The following AHNAK2 variants were observed in gnomAD, a reference collection of about 807,000 sequenced individuals.
AHNAK2 encodes the protein protein AHNAK2.
AHNAK2 carries 18 observed loss-of-function variants against 30.7 expected under a neutral mutation model. The ratio of observed to expected loss-of-function variants is 0.59; its 90% CI spans 0.41 to 0.87. The LOEUF (loss-of-function observed/expected upper bound fraction) is 0.87, where lower values mean the gene tolerates loss of function less well. Ranked by LOEUF, AHNAK2 falls within the 40% of genes least tolerant of loss-of-function variation. The pLI, the probability that AHNAK2 is intolerant of heterozygous loss-of-function variation, is 0.00. For missense variants in AHNAK2, 8,604 were observed against 7,373.0 expected, an observed-to-expected ratio of 1.17 and a Z score of -6.11; for synonymous variants, 3,590 against 3,073.8, an observed-to-expected ratio of 1.17 and a Z score of -5.56.
chr14:104,955,794 A>G (rs1291626357), intron 4 of AHNAK2, among the ~76,000 whole-genome samples, 161 bp from the exon 5 acceptor site: 1 of 152,176 alleles, frequency 6.6e-6, no homozygotes, highest in Non-Finnish European at 1.5e-5. Context: ...GGGCTCAGGT[A>G]GCTGTCTCTG....
At position 104,969,261 on chromosome 14, in the gene AHNAK2, G is replaced by A. The variant is rs115532388; in HGVS notation, c.55+8922C>T. Among the ~76,000 whole-genome samples, 505 of 152,322 alleles carry A rather than the reference G, an allele frequency of 3.3e-3. 3 individuals carry two copies. Among genetic ancestry groups the A allele is most frequent in the African/African-American group, 0.011 (478 of 41,568 alleles). On this transcript the variant is annotated intron_variant, in intron 1 of 6. Coordinates refer to ENST00000333244, the MANE Select transcript of AHNAK2 (RefSeq NM_138420.4). Reference sequence around the variant, plus strand: ...ACTGCAGCCCAGCTGCACCCGTGAGGCTATTCACATCACCCTCTCCCGAAA... The same window carrying A: ...ACTGCAGCCCAGCTGCACCCGTGAGACTATTCACATCACCCTCTCCCGAAA...
chr14:104,944,453 G>T lies in AHNAK2; in HGVS notation c.10998C>A (p.Pro3666=). ...SMEASVDVSA[P]KVEADVSLPS... ...GGAGACTCACATCGGCTTCCACCTT[G>T]GGTGCAGACACATCCACCGAGGCCT... The change falls in exon 7 of 7, where the codon CCC becomes CCA. Residue 3666 remains proline, a synonymous_variant. Coordinates refer to ENST00000333244, the MANE Select transcript of AHNAK2 (RefSeq NM_138420.4). 1 of 1,612,308 alleles carries T rather than the reference G, an allele frequency of 6.2e-7. No individual in the cohort carries two copies. The highest frequency in any genetic ancestry group is 8.5e-7 in the Non-Finnish European group (1 of 1,179,268).
At chr14:104,955,167 G>C (rs372199340) in intron 5 of AHNAK2, 26 bp from the exon 6 acceptor site, 1 of 1,584,470 alleles carries the variant, frequency 6.3e-7, no homozygotes, top group African/African-American at 1.3e-5. Context: ...GCAGCCCCAG[G>C]GCCGGGTGTG....
At position 104,946,928 on chromosome 14, in the gene AHNAK2, C is replaced by G. The variant is rs747429860; in HGVS notation, c.8523G>C (p.Leu2841=). Residue 2841 remains leucine (L), a synonymous_variant, in exon 7 of 7, where the codon CTG becomes CTC. Coordinates refer to ENST00000333244, the MANE Select transcript of AHNAK2 (RefSeq NM_138420.4). Reference sequence around the variant, plus strand: ...GGAAGCTCCCGTCAGCTTCCACCTTCAGCTCAGACACATCCACCGAGGCCT... The same window carrying G: ...GGAAGCTCCCGTCAGCTTCCACCTTGAGCTCAGACACATCCACCGAGGCCT... The part of the protein sequence containing the change: ...SIEASVDVSE[L]KVEADGSFPS... The G allele has an allele frequency of 6.2e-7, 1 of 1,612,782 alleles. No homozygotes were observed. Among genetic ancestry groups the G allele is most frequent in the Non-Finnish European group, 8.5e-7 (1 of 1,179,728 alleles).
rs375764582 is a variant in AHNAK2, at chr14:104,940,257, C to G, written c.15194G>C (p.Ser5065Thr). The part of the protein sequence containing the change: ...GGSFQDTEKA[S>T]SDGGRGGLGA... The stretch of plus-strand genomic sequence containing the variant: ...AAGTCCTCCCCTACCACCGTCACTG[C>G]TGGCCTTTTCTGTGTCTTGAAAGCT... Residue 5065 changes from serine to threonine, a missense_variant, in exon 7 of 7, where the codon AGC becomes ACC. Ser to Thr is a moderately conservative substitution (Grantham distance 58, BLOSUM62 1). Transcript: ENST00000333244. This position sits in a 1 kb window ranked among gnomAD's most constrained non-coding sequence, Gnocchi z 4.4. 9 of 1,613,568 alleles carry G rather than the reference C, an allele frequency of 5.6e-6. No homozygotes were observed. The African/African-American group carries it at 8.0e-5, about 14-fold the overall frequency.
Position 104,978,279 on chromosome 14 carries a change from C to T in AHNAK2, c.-42G>A. 8.8e-7 allele frequency: 1 copy of T among 1,130,408 alleles called. No homozygotes were observed. Among genetic ancestry groups the T allele is most frequent in the Non-Finnish European group, 1.1e-6 (1 of 918,356 alleles). The allele number at this position is 1,130,408 out of a possible 1,614,324, so 70.0% of individuals were successfully genotyped here. A position where few individuals can be genotyped will look rare whatever the true frequency, so the allele number is the denominator to read the frequency against. ...TGCGGGCCTGGCGGCCCGTCGCGTCCAGTCGCTGGTCCCGGCTCCGGCGCA... is the reference window on the plus strand; with the variant it reads ...TGCGGGCCTGGCGGCCCGTCGCGTCTAGTCGCTGGTCCCGGCTCCGGCGCA... On this transcript the variant is annotated 5_prime_UTR_variant, in exon 1 of 7. Transcript: ENST00000333244.
In AHNAK2 at chr14:104,954,196, G is replaced by C; in HGVS notation, c.1255C>G (p.Leu419Val). 6.2e-7 allele frequency: 1 copy of C among 1,610,218 alleles called. No individual in the cohort carries two copies. The highest frequency in any genetic ancestry group is 8.5e-7 in the Non-Finnish European group (1 of 1,179,714). ...TGCCCCTCCAGGGTCTTTCCATGGA[G>C]CCTGGCTGCCCTGAGTCCCCCTTCC... ...PQEGGLRAAR[L>V]HGKTLEGQAQ... Residue 419 changes from leucine (L) to valine (V), a missense_variant, in exon 7 of 7, where the codon CTC (leucine) becomes GTC (valine). Leu to Val is a conservative substitution (Grantham distance 32). Transcript: ENST00000333244. This position sits in a 1 kb window ranked among gnomAD's most constrained non-coding sequence, Gnocchi z 4.3.
chr14:104,970,899 C>T (rs928961480), intron 1 of AHNAK2, among the ~76,000 whole-genome samples: 6 of 152,064 alleles, frequency 3.9e-5, no homozygotes, highest in South Asian at 2.1e-4. Context: ...CCTATGGGGG[C>T]CAGGACAGAG....
rs201010409 is a variant in AHNAK2 at position 104,948,015 on chromosome 14, T to C, written c.7436A>G (p.Lys2479Arg). ...CTTGGGAATTTTGAACCTGCTGTCT[T>C]TGGTAGTCACATCCTTGTCCGCCAC... Reference protein sequence around the residue: ...LSVADKDVTTKDSRFKIPKFK... With the variant: ...LSVADKDVTTRDSRFKIPKFK... The change falls in exon 7 of 7, where the codon AAA (lysine) becomes AGA (arginine). Residue 2479 changes from lysine to arginine, a missense_variant. Coordinates refer to ENST00000333244, the MANE Select transcript of AHNAK2 (RefSeq NM_138420.4). 4.2e-5 allele frequency: 67 copies of C among 1,611,948 alleles called. No homozygotes were observed. In the Middle Eastern group the frequency reaches 6.6e-4, roughly 16 times the overall value.
chr14:104,956,651 C>T lies in AHNAK2; in HGVS notation c.252G>A (p.Arg84=). The T allele has an allele frequency of 6.2e-7, 1 of 1,613,910 alleles. No homozygotes were observed. Reference sequence around the variant, plus strand: ...CTGAATCTCGCTTCCACCAGGATCTCCGTCTCCCAGCAGAACCTTGCCTGC... The same window carrying T: ...CTGAATCTCGCTTCCACCAGGATCTTCGTCTCCCAGCAGAACCTTGCCTGC... ...APGRQGSAGR[R]RSWWKRDSGD... Residue 84 remains arginine, a synonymous_variant, in exon 4 of 7, where the codon CGG becomes CGA. Transcript: ENST00000333244.
chr14:104,953,193 C>G lies in AHNAK2; in HGVS notation c.2258G>C (p.Ser753Thr), dbSNP rs1595420978. Residue 753 changes from serine (S) to threonine (T), a missense_variant, in exon 7 of 7, where the codon AGC (serine) becomes ACC (threonine). Transcript: ENST00000333244. Reference sequence around the variant, plus strand: ...CACCTTGGGCAGGTGCCCTTTGAGGCTGGCTCCCTCGGGCAGGGGGCCCTC... The same window carrying G: ...CACCTTGGGCAGGTGCCCTTTGAGGGTGGCTCCCTCGGGCAGGGGGCCCTC... ...LPEGPLPEGA[S>T]LKGHLPKVQR... The G allele has an allele frequency of 1.2e-6, 2 of 1,613,156 alleles. No individual in the cohort carries two copies. Among genetic ancestry groups the G allele is most frequent in the East Asian group, 4.5e-5 (2 of 44,808 alleles).
In AHNAK2 at chr14:104,945,646, C is replaced by T. The variant is rs1456289842; in HGVS notation, c.9805G>A (p.Val3269Met). ...TCCACCTCCATGCTGGGCTGAGACA[C>T]CTCCACGTCGGGGGCCGTCACATCC... ...KMDVTAPDVE[V>M]SQPSMEVDVE... Residue 3269 changes from valine (V) to methionine (M), a missense_variant, in exon 7 of 7, where the codon GTG (valine) becomes ATG (methionine). Transcript: ENST00000333244. The T allele has an allele frequency of 5.7e-6, 9 of 1,577,338 alleles. No individual in the cohort carries two copies. Among genetic ancestry groups the T allele is most frequent in the Admixed American group, 1.7e-5 (1 of 58,310 alleles).
At position 104,966,235 on chromosome 14, in the gene AHNAK2, T is replaced by C. The variant is rs934949724; in HGVS notation, c.56-8563A>G. 1.3e-5 allele frequency among the ~76,000 whole-genome samples: 2 copies of C among 151,942 alleles called. No homozygotes were observed. The highest frequency in any genetic ancestry group is 1.5e-5 in the Non-Finnish European group (1 of 67,954). Reference sequence around the variant, plus strand: ...CCCACGTCATCCCGGCCCCGCCACCTTCCTACTGCTCCGGGGGCCAGGCCC... The same window carrying C: ...CCCACGTCATCCCGGCCCCGCCACCCTCCTACTGCTCCGGGGGCCAGGCCC... On this transcript the variant is annotated intron_variant, in intron 1 of 6. Transcript: ENST00000333244. The surrounding 1 kb of genome is among the most constrained non-coding windows in gnomAD (Gnocchi z 4.3).
At chr14:104,963,166 A>G (rs1899198168) in intron 1 of AHNAK2, among the ~76,000 whole-genome samples, 1 of 152,260 alleles carries the variant, frequency 6.6e-6, no homozygotes, top group East Asian at 1.9e-4. Flanking sequence ...AGATTTGAAC[A>G]GACATTTCAC....
chr14:104,952,243 G>T lies in AHNAK2; in HGVS notation c.3208C>A (p.His1070Asn). 6.2e-7 allele frequency: 1 copy of T among 1,612,578 alleles called. No homozygotes were observed. The change falls in exon 7 of 7, where the codon CAC (histidine) becomes AAC (asparagine). Residue 1070 changes from histidine to asparagine, a missense_variant. By Grantham distance (68) the His-to-Asn change is moderately conservative (BLOSUM62 1). Transcript: ENST00000333244. ...DQVDVKLPEG[H>N]LPEGAGLKGH... Reference sequence around the variant, plus strand: ...TTAAGGCCAGCTCCCTCGGGCAGGTGGCCCTCCGGGAGCTTCACATCCACC... The same window carrying T: ...TTAAGGCCAGCTCCCTCGGGCAGGTTGCCCTCCGGGAGCTTCACATCCACC...
chr14:104,957,478 G>A lies in AHNAK2; in HGVS notation c.145C>T (p.Arg49Ter), dbSNP rs747036900. ...VTEGPADEGIRPRPQGSSPVY... is the reference protein window; with the variant it reads ...VTEGPADEGI ...GGTGAAGACCCCTGCGGCCGTGGTC[G>A]AATGCCCTCATCCGCAGGCCCTTCA... The change falls in exon 3 of 7, where the codon CGA becomes TGA. Residue 49 changes from arginine to a stop codon, truncating the protein, a stop_gained. Transcript: ENST00000333244. LOFTEE classifies it high-confidence loss of function. The A allele has an allele frequency of 2.7e-5, 43 of 1,601,356 alleles. No homozygotes were observed. The highest frequency in any genetic ancestry group is 3.3e-5 in the Non-Finnish European group (39 of 1,172,162).
chr14:104,945,366 G>A lies in AHNAK2; in HGVS notation c.10085C>T (p.Ser3362Phe), dbSNP rs780026182. The change falls in exon 7 of 7, where the codon TCT (serine) becomes TTT (phenylalanine). Residue 3362 changes from serine to phenylalanine, a missense_variant. By Grantham distance (155) the Ser-to-Phe change is radical (BLOSUM62 -2). Coordinates refer to ENST00000333244, the MANE Select transcript of AHNAK2 (RefSeq NM_138420.4). ...KTTDLSIQLPSVDLEVQAGQV... is the reference protein window; with the variant it reads ...KTTDLSIQLPFVDLEVQAGQV... ...GCCAGCCTGGACCTCCAGGTCCACA[G>A]AAGGGAGCTGAATGCTGAGGTCAGT... 142 of 1,612,780 alleles carry A rather than the reference G, an allele frequency of 8.8e-5. 3 individuals are homozygous for A. The South Asian group carries it at 1.5e-3, about 18-fold the overall frequency.
Position 104,939,799 on chromosome 14 carries a change from T to A in AHNAK2, c.15652A>T (p.Thr5218Ser), listed in dbSNP as rs1897924095. 6.2e-7 allele frequency: 1 copy of A among 1,613,690 alleles called. No homozygotes were observed. Among genetic ancestry groups the A allele is most frequent in the South Asian group, 1.1e-5 (1 of 91,086 alleles). ...GGAGKLEVAQ[T>S]QAPAATGGEA... ...CCCCCTGTTGCTGCCGGTGCCTGTGTCTGAGCCACTTCCAGCTTTCCAGCC... is the reference window on the plus strand; with the variant it reads ...CCCCCTGTTGCTGCCGGTGCCTGTGACTGAGCCACTTCCAGCTTTCCAGCC... Residue 5218 changes from threonine (T) to serine (S), a missense_variant, in exon 7 of 7, where the codon ACA becomes TCA. Coordinates refer to ENST00000333244, the MANE Select transcript of AHNAK2 (RefSeq NM_138420.4).
chr14:104,950,817 G>A lies in AHNAK2; in HGVS notation c.4634C>T (p.Pro1545Leu), dbSNP rs765802330. 46 of 1,585,966 alleles carry A rather than the reference G, an allele frequency of 2.9e-5. 2 individuals are homozygous for A. The African/African-American group carries it at 3.3e-4, about 11-fold the overall frequency. ...CTGGACCTCCAGGTCAGCAGAAGGG[G>A]GCTGTATGCTCAGGTCAGTGGCCTT... ...DLKATDLSIQ[P>L]PSADLEVQAG... is the part of the protein sequence containing the mutation. Residue 1545 changes from proline (P) to leucine (L), a missense_variant, in exon 7 of 7, where the codon CCC becomes CTC. Physicochemically the swap from Pro to Leu is moderately conservative, Grantham distance 98. Coordinates refer to ENST00000333244, the MANE Select transcript of AHNAK2 (RefSeq NM_138420.4).
Sources: allele counts gnomAD v4.1 joint callset (sites outside exome capture counted in the v4.1 genomes callset), GRCh38; gene constraint gnomAD v4.1.1; non-coding constraint Gnocchi (gnomAD v3.1); transcripts MANE v1.5; gene names NCBI Gene and HGNC (gene_info 2026-07-23, HGNC 2026-07-21).